Variants in OR51B5 observed in about 807,000 individuals in gnomAD.
OR51B5 encodes the protein olfactory receptor 51B5.
For synonymous variants in OR51B5, 186 were observed against 144.8 expected, an observed-to-expected ratio of 1.28 and a Z score of -2.04; for missense variants, 456 against 374.6, an observed-to-expected ratio of 1.22 and a Z score of -1.79.
intron 1 of OR51B5, among the ~76,000 whole-genome samples, chr11:5,356,913 G>C (rs1243384726): frequency 6.6e-6 from 1 of 150,604 alleles, no homozygotes; most frequent in Non-Finnish European, 1.5e-5. Context: ...ATACTTTACA[G>C]ACAAGCAAAT....
At chr11:5,485,960 C>T (rs1851492002) in intron 1 of OR51B5, among the ~76,000 whole-genome samples, 2 of 152,090 alleles carry the variant, frequency 1.3e-5, no homozygotes, top group South Asian at 4.2e-4. Flanking sequence ...TGCCCTAATC[C>T]GATATGGCTG....
intron 1 of OR51B5, among the ~76,000 whole-genome samples, chr11:5,357,103 C>T (rs536406623): frequency 1.3e-5 from 2 of 152,130 alleles, no homozygotes; most frequent in Admixed American, 6.5e-5. Context: ...ATCATAATGA[C>T]AGGATCAAAT....
chr11:5,353,382 C>G (rs1041816807), intron 1 of OR51B5, among the ~76,000 whole-genome samples: 3 of 152,032 alleles, frequency 2.0e-5, no homozygotes, highest in African/African-American at 7.3e-5. Context: ...TATGAGAGGT[C>G]TGGTTTAGGG....
chr11:5,492,845 G>A (rs1385640307), intron 1 of OR51B5, among the ~76,000 whole-genome samples: 1 of 152,096 alleles, frequency 6.6e-6, no homozygotes, highest in African/African-American at 2.4e-5. Context: ...ATGTTGACCA[G>A]GCTGATCTCG....
chr11:5,358,541 C>A (rs1437452383), intron 1 of OR51B5, among the ~76,000 whole-genome samples: 2 of 152,202 alleles, frequency 1.3e-5, no homozygotes, highest in African/African-American at 4.8e-5. Context: ...CAGATGGAGT[C>A]ACAGCCAAAT....
At chr11:5,500,200 T>C (rs1383638266) in intron 1 of OR51B5, among the ~76,000 whole-genome samples, 1 of 152,224 alleles carries the variant, frequency 6.6e-6, no homozygotes, top group Non-Finnish European at 1.5e-5. Flanking sequence ...CCCTGCTTCT[T>C]TGCTCTTGCA....
intron 1 of OR51B5, among the ~76,000 whole-genome samples, chr11:5,368,453 G>A (rs894010543): frequency 1.3e-4 from 17 of 131,646 alleles, no homozygotes; most frequent in African/African-American, 4.2e-4. Context: ...AAGTATTATA[G>A]AAATCATTGC....
chr11:5,379,943 G>A (rs75702318), intron 1 of OR51B5, among the ~76,000 whole-genome samples: 16,732 of 151,202 alleles, frequency 0.11, 1,037 homozygotes, highest in South Asian at 0.15. Flanking sequence ...GCAACCGCCC[G>A]ATCTTGGACT....
At chr11:5,441,605 T>C (rs746542613) in intron 1 of OR51B5, 11 of 970,330 alleles carry the variant, frequency 1.1e-5, no homozygotes, top group Non-Finnish European at 1.7e-5. Flanking sequence ...CAACAAAAGG[T>C]CATAGATTGA....
chr11:5,358,337 AACC>A (rs201799230), intron 1 of OR51B5, among the ~76,000 whole-genome samples: 10,601 of 152,174 alleles, frequency 0.07, 429 homozygotes, highest in African/African-American at 0.098. Flanking sequence ...CAGAAATACA[AACC>A]ACCATCAGAG....
intron 1 of OR51B5, among the ~76,000 whole-genome samples, chr11:5,400,432 C>T (rs1192525709): frequency 6.6e-6 from 1 of 152,082 alleles, no homozygotes; most frequent in Non-Finnish European, 1.5e-5. Flanking sequence ...CCCACTGCCA[C>T]TGCCATGATA....
At chr11:5,499,116 G>T (rs979842045) in intron 1 of OR51B5, among the ~76,000 whole-genome samples, 1 of 152,208 alleles carries the variant, frequency 6.6e-6, no homozygotes, top group Admixed American at 6.5e-5. Flanking sequence ...ATTAGGGGAT[G>T]ACAGGGCACA....
At chr11:5,347,161 C>G (rs1230745924), upstream of OR51B5, among the ~76,000 whole-genome samples, 2 of 152,122 alleles carry the variant, frequency 1.3e-5, no homozygotes, top group Non-Finnish European at 2.9e-5. Flanking sequence ...CTTCATAGCC[C>G]CAGCAGACTC....
intron 1 of OR51B5, among the ~76,000 whole-genome samples, chr11:5,411,086 A>G (rs4910783): frequency 0.81 from 123,677 of 152,142 alleles, 51,324 homozygotes; most frequent in Non-Finnish European, 0.89. Flanking sequence ...AAAGTCCATA[A>G]TAGCAAACAG....
At chr11:5,379,073 C>A (rs1236742563) in intron 1 of OR51B5, among the ~76,000 whole-genome samples, 1 of 151,064 alleles carries the variant, frequency 6.6e-6, no homozygotes, top group Non-Finnish European at 1.5e-5. Context: ...AAATGTCCAA[C>A]AATGATAGAC....
chr11:5,413,120 C>T (rs529374640), intron 1 of OR51B5, among the ~76,000 whole-genome samples: 8 of 152,300 alleles, frequency 5.3e-5, no homozygotes, highest in Non-Finnish European at 1.2e-4. Context: ...GCAGCATTCG[C>T]GGTTCACGAA....
At chr11:5,362,630 A>C (rs1046418060) in intron 1 of OR51B5, 10 of 180,552 alleles carry the variant, frequency 5.5e-5, no homozygotes. Context: ...GCTCAAGGCC[A>C]TGAGCAGATA....
upstream of OR51B5, among the ~76,000 whole-genome samples, chr11:5,347,744 T>TA (rs1849014560): frequency 6.7e-6 from 1 of 150,060 alleles, no homozygotes; most frequent in Non-Finnish European, 1.5e-5. Context: ...GCACAAATAA[T>TA]AGAGAAAAAG....
rs186584607 is a variant in OR51B5, at chr11:5,360,627, C to A, written n.85-13717G>T. On this transcript the variant is annotated intron_variant and non_coding_transcript_variant, in intron 1 of 4. Coordinates refer to the OR51B5 transcript ENST00000415970. ...AACTAGAAATACCATTTGACCCAGC[C>A]ATCCCATTACTGGGTACATACTCAA... is the stretch of plus-strand genomic sequence containing the variant. Among the ~76,000 whole-genome samples, 609 of 152,206 alleles carry A rather than the reference C, an allele frequency of 4.0e-3. 18 individuals are homozygous for A. The highest frequency in any genetic ancestry group is 0.028 in the Admixed American group (434 of 15,282).
Sources: gnomAD v4.1 joint callset for allele counts (sites outside exome capture counted in the v4.1 genomes callset) on GRCh38, gnomAD v4.1.1 for gene constraint, MANE v1.5 for transcripts, NCBI Gene and HGNC (gene_info 2026-07-23, HGNC 2026-07-21) for gene names.